PXDNL: variants seen among roughly 807,000 people sequenced by gnomAD.
PXDNL encodes the protein peroxidasin like, also known as probable oxidoreductase PXDNL.
In PXDNL, 145 loss-of-function variants were observed where a neutral mutation model predicts 150.8. The ratio of observed to expected loss-of-function variants is 0.96; its 90% confidence interval spans 0.84 to 1.10. PXDNL has a LOEUF of 1.10. Among genes scored for constraint, PXDNL ranks in the 50% least tolerant of loss-of-function variants. PXDNL has a pLI of 0.00. For missense variants in PXDNL, 2,087 were observed against 1,873.9 expected (o/e 1.11, Z -2.10); for synonymous variants, 757 against 725.7 (o/e 1.04, Z -0.69).
At chr8:51,732,478 G>A (rs1369400124) in intron 1 of PXDNL, among the ~76,000 whole-genome samples, 1 of 152,052 alleles carries the variant, frequency 6.6e-6, no homozygotes, top group Non-Finnish European at 1.5e-5. Context: ...CTCTTCTTCT[G>A]AGCCCCTCAA....
At chr8:51,785,397 T>C (rs145628443) in intron 1 of PXDNL, among the ~76,000 whole-genome samples, 42 of 152,322 alleles carry the variant, frequency 2.8e-4, no homozygotes, top group African/African-American at 8.7e-4. Flanking sequence ...ACAGGCAGAC[T>C]TTGTCTTACG....
At chr8:51,549,494 C>T (rs1324427767) in intron 4 of PXDNL, among the ~76,000 whole-genome samples, 1 of 152,038 alleles carries the variant, frequency 6.6e-6, no homozygotes, top group Non-Finnish European at 1.5e-5. Context: ...TCTCAGATCA[C>T]AGGTGAATAA....
At chr8:51,359,882 TG>T (rs934484046) in intron 19 of PXDNL, among the ~76,000 whole-genome samples, 92 of 152,220 alleles carry the variant, frequency 6.0e-4, no homozygotes, top group African/African-American at 2.1e-3. Flanking sequence ...TGGCAAAGAA[TG>T]GGAAAGACCA....
intron 1 of PXDNL, among the ~76,000 whole-genome samples, chr8:51,784,399 A>T (rs966618604): frequency 1.3e-5 from 2 of 152,204 alleles, no homozygotes; most frequent in African/African-American, 4.8e-5. Context: ...AGCATAATAC[A>T]CTCATACCAG....
intron 4 of PXDNL, among the ~76,000 whole-genome samples, chr8:51,520,970 C>A (rs1585545641): frequency 6.6e-6 from 1 of 152,086 alleles, no homozygotes; most frequent in Non-Finnish European, 1.5e-5. Context: ...GACTGTAATC[C>A]CAGCACTTCG....
intron 4 of PXDNL, among the ~76,000 whole-genome samples, chr8:51,514,243 G>A (rs957843434): frequency 6.6e-6 from 1 of 152,182 alleles, no homozygotes; most frequent in Non-Finnish European, 1.5e-5. Context: ...GGAAGGGAAA[G>A]ATACTAGGAC....
chr8:51,748,905 C>T (rs896379596), intron 1 of PXDNL, among the ~76,000 whole-genome samples: 6 of 152,136 alleles, frequency 3.9e-5, no homozygotes, highest in Admixed American at 1.3e-4. Flanking sequence ...TAAAAATAAG[C>T]AGAATGCATT....
chr8:51,755,446 C>G (rs2037090614), intron 1 of PXDNL, among the ~76,000 whole-genome samples: 1 of 152,052 alleles, frequency 6.6e-6, no homozygotes, highest in Non-Finnish European at 1.5e-5. Flanking sequence ...AGGCGCCCAC[C>G]ACCACACTCG....
At chr8:51,382,028 G>A (rs1489295828) in intron 17 of PXDNL, among the ~76,000 whole-genome samples, 1 of 152,068 alleles carries the variant, frequency 6.6e-6, no homozygotes, top group Non-Finnish European at 1.5e-5. Context: ...TGCAGAGACG[G>A]GGTTTCACCA....
chr8:51,496,396 T>A (rs1303706676), intron 5 of PXDNL, among the ~76,000 whole-genome samples: 8 of 152,010 alleles, frequency 5.3e-5, no homozygotes, highest in Admixed American at 1.3e-4. Flanking sequence ...CTCTCACCAC[T>A]CCTATTCAAC....
At chr8:51,387,170 C>CCACTCT (rs144974751) in intron 17 of PXDNL, among the ~76,000 whole-genome samples, 3,732 of 152,284 alleles carry the variant, frequency 0.025, 173 homozygotes, top group African/African-American at 0.084. Flanking sequence ...TAATTACCAC[C>CCACTCT]CACTCTTACA....
At chr8:51,499,826 G>A in intron 4 of PXDNL, 56 bp from the exon 5 acceptor site, 2 of 1,184,432 alleles carry the variant, frequency 1.7e-6, no homozygotes, top group East Asian at 4.7e-5. Context: ...AAAATAAAAT[G>A]TTTGAAGAAT....
chr8:51,502,007 A>T (rs1418917677), intron 4 of PXDNL, among the ~76,000 whole-genome samples: 1 of 152,258 alleles, frequency 6.6e-6, no homozygotes, highest in Non-Finnish European at 1.5e-5. Flanking sequence ...TGTAGAGTAC[A>T]AATAGACATT....
chr8:51,371,974 A>C lies in PXDNL; in HGVS notation c.3800T>G (p.Val1267Gly), dbSNP rs753916715. The change falls in exon 19 of 23, where the codon GTG becomes GGG. Residue 1267 changes from valine (V) to glycine (G), a missense_variant. By Grantham distance (109) the Val-to-Gly change is moderately radical. Transcript: ENST00000356297. ...TGCCTTTACAAAGACATCAGCCTGC[A>C]CTTGCTGAATGCTGTCACCATTGTC... ...LCDNGDSIQQ[V>G]QADVFVKAEY... 2 of 1,613,824 alleles carry C rather than the reference A, an allele frequency of 1.2e-6. No homozygotes were observed. The highest frequency in any genetic ancestry group is 4.5e-5 in the East Asian group (2 of 44,868).
At chr8:51,325,643 C>T (rs891708349) in intron 21 of PXDNL, among the ~76,000 whole-genome samples, 3 of 152,190 alleles carry the variant, frequency 2.0e-5, no homozygotes, top group Non-Finnish European at 2.9e-5. Flanking sequence ...TCTCTGCAAC[C>T]ACCCCAGTGA....
In PXDNL at chr8:51,418,194, T is replaced by C. The variant is rs79084968; in HGVS notation, c.1796-4936A>G. Among the ~76,000 whole-genome samples the C allele has an allele frequency of 4.9e-3, 741 of 152,332 alleles. 5 individuals carry two copies. Among genetic ancestry groups the C allele is most frequent in the African/African-American group, 0.017 (717 of 41,582 alleles). Reference sequence around the variant, plus strand: ...ACGTGTATGTATACTAGGTAGATGCTGTTGTTTACAAAAATATTTCCCCAC... The same window carrying C: ...ACGTGTATGTATACTAGGTAGATGCCGTTGTTTACAAAAATATTTCCCCAC... On this transcript the variant is annotated intron_variant, in intron 14 of 22. Transcript: ENST00000356297.
At chr8:51,612,765 G>A (rs920782931) in intron 2 of PXDNL, among the ~76,000 whole-genome samples, 1 of 152,204 alleles carries the variant, frequency 6.6e-6, no homozygotes, top group African/African-American at 2.4e-5. Context: ...GTGCCCTGAC[G>A]CAGGATTTGT....
intron 4 of PXDNL, among the ~76,000 whole-genome samples, chr8:51,537,180 T>A (rs1462600214): frequency 6.6e-6 from 1 of 152,108 alleles, no homozygotes; most frequent in Non-Finnish European, 1.5e-5. Context: ...TGGGGAACTT[T>A]GAAAAAAACC....
rs1027455132 is a variant in PXDNL at position 51,809,209 on chromosome 8, G to T, written c.136C>A (p.Pro46Thr). ...RCMHLMLDHI[P>T]QVPQQTTVLD... The stretch of plus-strand genomic sequence containing the variant: ...ACTGTGGTCTGCTGTGGTACCTGAG[G>T]AATGTGGTCCAGCATCAAGTGCATG... Residue 46 changes from proline to threonine, a missense_variant, in exon 1 of 23, where the codon CCT (proline) becomes ACT (threonine). Coordinates refer to ENST00000356297, the MANE Select transcript of PXDNL (RefSeq NM_144651.5). The T allele has an allele frequency of 6.2e-7, 1 of 1,613,816 alleles. No individual in the cohort carries two copies. The highest frequency in any genetic ancestry group is 1.3e-5 in the African/African-American group (1 of 75,022).
Sources: gnomAD v4.1 joint callset for allele counts (sites outside exome capture counted in the v4.1 genomes callset) on GRCh38, gnomAD v4.1.1 for gene constraint, MANE v1.5 for transcripts, NCBI Gene and HGNC (gene_info 2026-07-23, HGNC 2026-07-21) for gene names.